NTRK3: variants seen among roughly 807,000 people sequenced by gnomAD.
NTRK3 encodes the protein NT-3 growth factor receptor.
A neutral mutation model predicts 91.7 loss-of-function variants in NTRK3; 24 were observed. That is an observed-to-expected ratio of 0.26 (90% confidence interval 0.19 to 0.37). The LOEUF (loss-of-function observed/expected upper bound fraction) is 0.37, where lower values mean the gene tolerates loss of function less well. NTRK3 is among the 10% of genes least tolerant of loss of function. The pLI, the probability that NTRK3 is intolerant of heterozygous loss-of-function variation, is 1.00. For synonymous variants in NTRK3, 483 were observed against 404.0 expected, an observed-to-expected ratio of 1.20 and a Z score of -2.34; for missense variants, 880 against 1,068.9, an observed-to-expected ratio of 0.82 and a Z score of 2.46.
At chr15:88,185,756 C>T (rs1365784908) in intron 3 of NTRK3, among the ~76,000 whole-genome samples, 1 of 152,240 alleles carries the variant, frequency 6.6e-6, no homozygotes, top group Non-Finnish European at 1.5e-5. Context: ...CACCACCACA[C>T]CCGTAGCTCT....
At chr15:87,904,844 T>C (rs1355825957) in intron 17 of NTRK3, among the ~76,000 whole-genome samples, 1 of 152,312 alleles carries the variant, frequency 6.6e-6, no homozygotes, top group Non-Finnish European at 1.5e-5. Context: ...AAGCCAACTG[T>C]GTTGAGATGC....
At chr15:88,228,680 T>A (rs2050896938) in intron 3 of NTRK3, among the ~76,000 whole-genome samples, 1 of 152,090 alleles carries the variant, frequency 6.6e-6, no homozygotes, top group African/African-American at 2.4e-5. Flanking sequence ...TCTATTGGGG[T>A]CATCACTGTG....
intron 13 of NTRK3, among the ~76,000 whole-genome samples, chr15:88,114,018 CCAA>C (rs1567440417): frequency 2.0e-5 from 3 of 152,220 alleles, no homozygotes; most frequent in South Asian, 2.1e-4. Context: ...CCCCCCACCA[CCAA>C]CAACAACCAC....
At chr15:87,865,177 C>A in exon 19 of NTRK3, 1 of 207,778 alleles carries the variant, frequency 4.8e-6, no homozygotes, top group East Asian at 7.3e-5. Flanking sequence ...CTGGAGTGAT[C>A]AAAATACTTT....
At chr15:88,224,746 G>A (rs977411527) in intron 3 of NTRK3, among the ~76,000 whole-genome samples, 9 of 152,200 alleles carry the variant, frequency 5.9e-5, no homozygotes, top group African/African-American at 2.2e-4. Context: ...CTCTGGGAAG[G>A]TAGGGTTGAT....
Position 88,115,651 on chromosome 15 carries a change from TTATCA to T in NTRK3, c.1396+10615_1396+10619del, listed in dbSNP as rs1221352192. Among the ~76,000 whole-genome samples the T allele has an allele frequency of 3.2e-4, 49 of 152,118 alleles. No homozygotes were observed. The Middle Eastern group carries it at 0.01, about 32-fold the overall frequency. ...TAGAGAGGCTCGGCATTTCCAGGAC[TTATCA>T]GTCCTGGAAACTGCTCTGGTCTTCT... On this transcript the variant is annotated intron_variant, in intron 13 of 18. Coordinates refer to ENST00000394480, the Ensembl canonical transcript of NTRK3.
chr15:88,225,727 T>C (rs1378652666), intron 3 of NTRK3, among the ~76,000 whole-genome samples: 2 of 152,152 alleles, frequency 1.3e-5, no homozygotes, highest in African/African-American at 4.8e-5. Context: ...ACCAGATCCA[T>C]GCAGACCAGA....
chr15:87,992,781 C>G (rs968312632), intron 14 of NTRK3, among the ~76,000 whole-genome samples: 1 of 152,208 alleles, frequency 6.6e-6, no homozygotes, highest in African/African-American at 2.4e-5. Context: ...GGACTTGAAT[C>G]CAGGTTTTGC....
chr15:87,915,471 C>T (rs1017480790), intron 17 of NTRK3, among the ~76,000 whole-genome samples: 2 of 152,220 alleles, frequency 1.3e-5, no homozygotes, highest in Non-Finnish European at 2.9e-5. Flanking sequence ...CTACTAACTC[C>T]ACAATAGAAA....
intron 14 of NTRK3, among the ~76,000 whole-genome samples, chr15:88,023,886 G>C (rs905462808): frequency 6.6e-6 from 1 of 152,176 alleles, no homozygotes; most frequent in Non-Finnish European, 1.5e-5. Context: ...TCTGTTACTG[G>C]TTCCAGGAAG....
intron 10 of NTRK3, among the ~76,000 whole-genome samples, chr15:88,132,610 G>A (rs750478700): frequency 3.3e-5 from 5 of 152,108 alleles, no homozygotes; most frequent in Non-Finnish European, 5.9e-5. Flanking sequence ...TGATAATCAC[G>A]ATGTCTCCAC....
intron 13 of NTRK3, among the ~76,000 whole-genome samples, chr15:88,092,256 G>C (rs184806368): frequency 6.6e-5 from 10 of 152,146 alleles, no homozygotes; most frequent in African/African-American, 2.4e-4. Context: ...ATTCTTGGAG[G>C]GCTGGGCCAC....
chr15:88,149,885 T>A (rs1430475728), intron 5 of NTRK3, among the ~76,000 whole-genome samples: 1 of 152,252 alleles, frequency 6.6e-6, no homozygotes, highest in African/African-American at 2.4e-5. Context: ...GTAGAAATCT[T>A]CTGTTTTGCT....
chr15:87,873,267 T>C (rs569764672), exon 19 of NTRK3: 2 of 231,340 alleles, frequency 8.6e-6, no homozygotes, highest in South Asian at 3.6e-4. Flanking sequence ...GTGCATGATC[T>C]GCTGAATGGA....
intron 13 of NTRK3, among the ~76,000 whole-genome samples, chr15:88,034,804 G>A (rs180903857): frequency 2.0e-5 from 3 of 152,318 alleles, no homozygotes; most frequent in Non-Finnish European, 2.9e-5. Flanking sequence ...TTTGGAGACC[G>A]TATGGAAAAG....
intron 13 of NTRK3, among the ~76,000 whole-genome samples, chr15:88,040,537 G>A (rs188813652): frequency 2.3e-4 from 35 of 152,294 alleles, no homozygotes; most frequent in South Asian, 6.2e-4. Context: ...TCAGATCAGG[G>A]GAAAGACTGC....
At chr15:88,136,693 C>T (rs1423864704) in intron 7 of NTRK3, 84 bp from the exon 8 acceptor site, 1 of 1,518,900 alleles carries the variant, frequency 6.6e-7, no homozygotes, top group Admixed American at 2.0e-5. Context: ...GATGGTGGCA[C>T]TTCTTGCCTT....
At chr15:87,988,378 A>G (rs1248604387) in intron 14 of NTRK3, among the ~76,000 whole-genome samples, 1 of 152,228 alleles carries the variant, frequency 6.6e-6, no homozygotes, top group African/African-American at 2.4e-5. Flanking sequence ...GGAATGGAGA[A>G]AGGACATTTG....
chr15:88,223,024 A>G (rs1414737363), intron 3 of NTRK3, among the ~76,000 whole-genome samples: 1 of 152,018 alleles, frequency 6.6e-6, no homozygotes, highest in Non-Finnish European at 1.5e-5. Context: ...GAGGAAGGAG[A>G]TGGGGCGATG....
Sources: gnomAD v4.1 joint callset for allele counts (sites outside exome capture counted in the v4.1 genomes callset) on GRCh38, gnomAD v4.1.1 for gene constraint, MANE v1.5 for transcripts, NCBI Gene and HGNC (gene_info 2026-07-23, HGNC 2026-07-21) for gene names.